ZNF594: variants seen among roughly 807,000 people sequenced by gnomAD.
The protein encoded by ZNF594 is zinc finger protein 594, also known as zinc finger protein HZF18.
For synonymous variants in ZNF594, 336 were observed against 309.4 expected, an observed-to-expected ratio of 1.09 and a Z score of -0.90; for missense variants, 1,037 against 964.6, an observed-to-expected ratio of 1.08 and a Z score of -0.99.
intron 1 of ZNF594, among the ~76,000 whole-genome samples, chr17:5,185,521 T>C (rs1430762559): frequency 6.6e-6 from 1 of 152,070 alleles, no homozygotes; most frequent in African/African-American, 2.4e-5. Flanking sequence ...CCAAACCATA[T>C]CATTCTGCCC....
At chr17:5,178,758 A>G (rs1271544385), downstream of ZNF594, among the ~76,000 whole-genome samples, 2 of 152,228 alleles carry the variant, frequency 1.3e-5, no homozygotes, top group Admixed American at 1.3e-4. Context: ...CCAGGTAACA[A>G]GATACAAAAT....
chr17:5,188,816 C>G (rs375204604), intron 1 of ZNF594, among the ~76,000 whole-genome samples: 6 of 147,678 alleles, frequency 4.1e-5, no homozygotes, highest in African/African-American at 1.5e-4. Flanking sequence ...GGCGCGATCT[C>G]GGCTCACTGC....
Position 5,183,148 on chromosome 17 carries a change from T to C in ZNF594, c.1109A>G (p.His370Arg). The C allele has an allele frequency of 6.2e-7, 1 of 1,614,216 alleles. No individual in the cohort carries two copies. Among genetic ancestry groups the C allele is most frequent in the East Asian group, 2.2e-5 (1 of 44,882 alleles). ...DEELREEQRI[H>R]QEEKAYWCNQ... The stretch of plus-strand genomic sequence containing the variant: ...ACACCAATAAGCTTTCTCTTCCTGG[T>C]GAATTCTCTGCTCTTCCCTAAGCTC... The change falls in exon 2 of 2, where the codon CAC (histidine) becomes CGC (arginine). Residue 370 changes from histidine (H) to arginine (R), a missense_variant. By Grantham distance (29) the His-to-Arg change is conservative (BLOSUM62 0). Transcript: ENST00000575779.
rs2074332117 is a variant in ZNF594 at position 5,180,534 on chromosome 17, AAGTAATT to A, written c.*1292_*1298del. The A allele has an allele frequency of 6.3e-6, 1 of 157,564 alleles. No individual in the cohort carries two copies. Among genetic ancestry groups the A allele is most frequent in the African/African-American group, 2.4e-5 (1 of 41,432 alleles). 9.8% of individuals were successfully genotyped at this position (157,564 alleles called of 1,614,324 possible). On this transcript the variant is annotated 3_prime_UTR_variant, in exon 2 of 2. Coordinates refer to ENST00000575779, the MANE Select transcript of ZNF594 (RefSeq NM_032530.2). ...GATAGACATCCCTTAAAACATTCTC[AAGTAATT>A]AGACCCCTGGGGCTGGTGCAGTGGC... is the stretch of plus-strand genomic sequence containing the variant.
chr17:5,174,160 G>GTTTC, the ZNF594 span: 1 of 196,834 alleles, frequency 5.1e-6, no homozygotes, highest in Non-Finnish European at 1.1e-5. Flanking sequence ...TGAAAGTTAT[G>GTTTC]TTTCTTTGCT....
Position 5,184,089 on chromosome 17 carries a change from CAT to C in ZNF594, c.166_167del (p.Met56GlufsTer30), listed in dbSNP as rs1212173501. ...CGCTCTCTTGGGAAGGGAGATGTCT[CAT>C]TGCATCCTTTAAAGGGCTTACCCAG... is the stretch of plus-strand genomic sequence containing the variant. ...KHWVSPLKDA[M>X]RHLPSQESGI... On this transcript the variant is annotated frameshift_variant, in exon 2 of 2. Coordinates refer to ENST00000575779, the MANE Select transcript of ZNF594 (RefSeq NM_032530.2). LOFTEE classifies it low-confidence loss of function (END_TRUNC). The C allele has an allele frequency of 6.2e-7, 1 of 1,614,098 alleles. No homozygotes were observed. The highest frequency in any genetic ancestry group is 1.3e-5 in the African/African-American group (1 of 74,932).
chr17:5,177,784 C>T (rs1451193794), downstream of ZNF594, among the ~76,000 whole-genome samples: 7 of 152,014 alleles, frequency 4.6e-5, no homozygotes, highest in African/African-American at 1.2e-4. Flanking sequence ...TGCAGTGAGC[C>T]GAGATTGCGC....
rs146017195 is a variant in ZNF594, at chr17:5,182,407, A to G, written c.1850T>C (p.Ile617Thr). 2,160 of 1,613,612 alleles carry G rather than the reference A, an allele frequency of 1.3e-3. 54 individuals carry two copies. The African/African-American group carries it at 0.025, about 19-fold the overall frequency. Residue 617 changes from isoleucine to threonine, a missense_variant, in exon 2 of 2, where the codon ATT (isoleucine) becomes ACT (threonine). Transcript: ENST00000575779. ...TACATAAGGTTTTTCTCCACTGTGA[A>G]TTCTATGATGTCTCAGAAGGTCTGA... The part of the protein sequence containing the change: ...QSSDLLRHHR[I>T]HSGEKPYVCN...
chr17:5,176,930 TCA>T (rs201919842), downstream of ZNF594, among the ~76,000 whole-genome samples: 730 of 152,064 alleles, frequency 4.8e-3, 7 homozygotes, highest in African/African-American at 0.015. Context: ...GCGCAGAGGC[TCA>T]CACCTGTAAT....
In ZNF594 at chr17:5,183,841, C is replaced by T. The variant is rs1370996805; in HGVS notation, c.416G>A (p.Ser139Asn). Residue 139 changes from serine (S) to asparagine (N), a missense_variant, in exon 2 of 2, where the codon AGT becomes AAT. Transcript: ENST00000575779. ...TCTCTGATGTATGATCAGGTTTGAACTCCTGTTGAAGGTTTTTTCACATTC... is the reference window on the plus strand; with the variant it reads ...TCTCTGATGTATGATCAGGTTTGAATTCCTGTTGAAGGTTTTTTCACATTC... ...CKECEKTFNR[S>N]SNLIIHQRIH... The T allele has an allele frequency of 1.9e-6, 3 of 1,613,794 alleles. No individual in the cohort carries two copies. The highest frequency in any genetic ancestry group is 2.5e-6 in the Non-Finnish European group (3 of 1,180,002).
intron 1 of ZNF594, chr17:5,191,318 G>C (rs2698811): frequency 6.6e-6 from 1 of 152,032 alleles, no homozygotes; most frequent in African/African-American, 2.4e-5. Flanking sequence ...ATTTTAGACT[G>C]AGTAGTAGAA....
downstream of ZNF594, among the ~76,000 whole-genome samples, chr17:5,175,932 G>C (rs953814750): frequency 6.6e-6 from 1 of 152,130 alleles, no homozygotes; most frequent in African/African-American, 2.4e-5. Flanking sequence ...CACAAACCCT[G>C]GCACAGTTGC....
chr17:5,177,737 G>A (rs1220198078), downstream of ZNF594, among the ~76,000 whole-genome samples: 1 of 152,172 alleles, frequency 6.6e-6, no homozygotes, highest in South Asian at 2.1e-4. Context: ...TCAGGAGGCT[G>A]AGGCTGGAGA....
At chr17:5,184,392 G>A in intron 1 of ZNF594, 116 bp from the exon 2 acceptor site, 1 of 1,018,948 alleles carries the variant, frequency 9.8e-7, no homozygotes, top group Non-Finnish European at 1.4e-6. Flanking sequence ...CCCTGCCAAA[G>A]CTGAGATGTG....
At chr17:5,176,489 C>A (rs1038162964), downstream of ZNF594, among the ~76,000 whole-genome samples, 1 of 149,118 alleles carries the variant, frequency 6.7e-6, no homozygotes, top group Admixed American at 6.7e-5. Flanking sequence ...AAAATTAATA[C>A]GGAAAGTCAA....
At chr17:5,185,161 T>C (rs1478847153) in intron 1 of ZNF594, among the ~76,000 whole-genome samples, 1 of 152,182 alleles carries the variant, frequency 6.6e-6, no homozygotes, top group African/African-American at 2.4e-5. Flanking sequence ...ATCCCTGACC[T>C]TCCCCAGTGG....
chr17:5,190,867 T>G (rs1260122736), intron 1 of ZNF594, among the ~76,000 whole-genome samples: 4 of 152,006 alleles, frequency 2.6e-5, no homozygotes, highest in Admixed American at 1.3e-4. Context: ...TGATAAGATA[T>G]TGAGGCAAGC....
At chr17:5,176,546 T>C (rs184055744), downstream of ZNF594, among the ~76,000 whole-genome samples, 87 of 151,578 alleles carry the variant, frequency 5.7e-4, 2 homozygotes, top group East Asian at 0.015. Context: ...TTTAGGTTTC[T>C]TCTTTTTTTT....
chr17:5,187,235 G>A (rs949604712), intron 1 of ZNF594, among the ~76,000 whole-genome samples: 1 of 152,182 alleles, frequency 6.6e-6, no homozygotes, highest in East Asian at 1.9e-4. Context: ...TTACATTGTG[G>A]TGGCAAGAGA....
Sources: gnomAD v4.1 joint callset for allele counts (sites outside exome capture counted in the v4.1 genomes callset) on GRCh38, gnomAD v4.1.1 for gene constraint, MANE v1.5 for transcripts, NCBI Gene and HGNC (gene_info 2026-07-23, HGNC 2026-07-21) for gene names.